Variants in AFTPH observed in about 807,000 individuals in gnomAD.
The protein encoded by AFTPH is aftiphilin, also known as aftiphilin protein.
A neutral mutation model predicts 72.5 loss-of-function variants in AFTPH; 7 were observed. That is an observed-to-expected ratio of 0.10 (90% CI 0.05 to 0.18). AFTPH has a LOEUF of 0.18. Ranked by LOEUF, AFTPH falls within the 10% of genes least tolerant of loss-of-function variation. The pLI is 1.00. For synonymous variants in AFTPH, 337 were observed against 370.1 expected (o/e 0.91, Z 1.03); for missense variants, 979 against 1,060.5 (o/e 0.92, Z 1.07).
chr2:64,540,788 T>C (rs1186232948), intron 1 of AFTPH, among the ~76,000 whole-genome samples: 1 of 152,152 alleles, frequency 6.6e-6, no homozygotes, highest in Non-Finnish European at 1.5e-5. Flanking sequence ...CTCATTTTCA[T>C]TGTTTGCTCA....
chr2:64,540,548 A>C (rs993400893), intron 1 of AFTPH, among the ~76,000 whole-genome samples: 3 of 152,172 alleles, frequency 2.0e-5, no homozygotes, highest in Admixed American at 6.5e-5. Flanking sequence ...TTTCATGGGA[A>C]TTTTTGAAAA....
intron 1 of AFTPH, among the ~76,000 whole-genome samples, chr2:64,548,190 G>A (rs1312057690): frequency 1.4e-5 from 2 of 145,026 alleles, no homozygotes; most frequent in East Asian, 2.0e-4. Context: ...TCAGGAGATC[G>A]AGACCATCCT....
chr2:64,531,374 G>A (rs1004560646), intron 1 of AFTPH, among the ~76,000 whole-genome samples: 12 of 152,176 alleles, frequency 7.9e-5, no homozygotes, highest in African/African-American at 2.7e-4. Flanking sequence ...TATTTCCTCA[G>A]ATGATCAGTA....
At chr2:64,582,982 C>T (rs1673301380) in intron 7 of AFTPH, among the ~76,000 whole-genome samples, 1 of 152,132 alleles carries the variant, frequency 6.6e-6, no homozygotes. Flanking sequence ...ATGCAGTTCT[C>T]ATTACTTTGG....
At chr2:64,550,584 GA>G (rs1303953203) in intron 1 of AFTPH, among the ~76,000 whole-genome samples, 2 of 151,936 alleles carry the variant, frequency 1.3e-5, no homozygotes, top group African/African-American at 4.8e-5. Context: ...TAACATGAGG[GA>G]GTTTTTTTTG....
chr2:64,560,286 A>T (rs1671642193), intron 2 of AFTPH, among the ~76,000 whole-genome samples: 1 of 152,196 alleles, frequency 6.6e-6, no homozygotes, highest in Non-Finnish European at 1.5e-5. Flanking sequence ...AGGAATGAGT[A>T]AAAGTTGTCA....
intron 8 of AFTPH, 87 bp downstream of exon 9, chr2:64,585,632 C>A: frequency 7.1e-7 from 1 of 1,411,808 alleles, no homozygotes; most frequent in Non-Finnish European, 9.5e-7. Context: ...GACAGCATTT[C>A]AATATATTAT....
intron 2 of AFTPH, among the ~76,000 whole-genome samples, chr2:64,561,810 C>A (rs886092118): frequency 3.9e-5 from 6 of 152,192 alleles, no homozygotes; most frequent in Non-Finnish European, 7.3e-5. Context: ...GAATGCAGCA[C>A]TGACTCTTTA....
rs570141801 is a variant in AFTPH, at chr2:64,577,162, TTTTG to T, written c.2395-2321_2395-2318del. Among the ~76,000 whole-genome samples the T allele has an allele frequency of 5.2e-3, 797 of 152,276 alleles. 9 individuals carry two copies. The highest frequency in any genetic ancestry group is 0.018 in the African/African-American group (764 of 41,544). The stretch of plus-strand genomic sequence containing the variant: ...GAATCCAAGCCTCCTGTCTCCATGT[TTTTG>T]TTCTTTTTTATTGTGACCTTATTTG... On this transcript the variant is annotated intron_variant, in intron 6 of 8. Transcript: ENST00000238856.
intron 2 of AFTPH, among the ~76,000 whole-genome samples, chr2:64,555,383 A>G (rs527935809): frequency 2.0e-5 from 3 of 152,242 alleles, no homozygotes; most frequent in African/African-American, 7.2e-5. Context: ...CAACATGGTG[A>G]GACCCTGTCT....
rs1553398382 is a variant in AFTPH at position 64,550,677 on chromosome 2, G to GCACGCACA, written c.-32-763_-32-762insGCACACAC. On this transcript the variant is annotated intron_variant, in intron 1 of 8. Coordinates refer to ENST00000238856, the Ensembl canonical transcript of AFTPH. ...ATAAAATTTTTAGAACTGTACGCATGCACACACACACACACACACACACAC... is the reference window on the plus strand; with the variant it reads ...ATAAAATTTTTAGAACTGTACGCATGCACGCACACACACACACACACACACACACACAC... Among the ~76,000 whole-genome samples, 8 of 130,234 alleles carry GCACGCACA rather than the reference G, an allele frequency of 6.1e-5. No homozygotes were observed. The East Asian group carries it at 1.4e-3, about 23-fold the overall frequency. 85.4% of individuals were successfully genotyped at this position (130,234 alleles called of 152,430 possible).
intron 2 of AFTPH, among the ~76,000 whole-genome samples, chr2:64,561,914 C>T (rs542516759): frequency 1.6e-4 from 24 of 152,260 alleles, no homozygotes; most frequent in African/African-American, 5.5e-4. Context: ...CACCATTTAA[C>T]AGGTAAATCC....
At chr2:64,547,639 T>C (rs1252021317) in intron 1 of AFTPH, among the ~76,000 whole-genome samples, 1 of 152,210 alleles carries the variant, frequency 6.6e-6, no homozygotes, top group Non-Finnish European at 1.5e-5. Context: ...ACTCAGTTTA[T>C]TATTTTATTT....
chr2:64,557,578 C>A (rs1329303460), intron 2 of AFTPH, among the ~76,000 whole-genome samples: 2 of 152,196 alleles, frequency 1.3e-5, no homozygotes, highest in Non-Finnish European at 2.9e-5. Context: ...CTCCTGAGTT[C>A]AAGCGAGTCT....
At chr2:64,541,752 G>A (rs1408312223) in intron 1 of AFTPH, among the ~76,000 whole-genome samples, 2 of 152,160 alleles carry the variant, frequency 1.3e-5, no homozygotes, top group African/African-American at 4.8e-5. Flanking sequence ...TAATGCTTAC[G>A]TGACATTTTC....
intron 6 of AFTPH, among the ~76,000 whole-genome samples, chr2:64,577,401 G>T (rs1672890079): frequency 6.6e-6 from 1 of 151,558 alleles, no homozygotes; most frequent in South Asian, 2.1e-4. Flanking sequence ...TTATGATTTT[G>T]GCTGTCTTCA....
rs567483780 is a variant in AFTPH, at chr2:64,551,106, C to G, written c.-32-337C>G. 1.6e-4 allele frequency among the ~76,000 whole-genome samples: 25 copies of G among 152,208 alleles called. No individual in the cohort carries two copies. The East Asian group carries it at 4.8e-3, about 29-fold the overall frequency. On this transcript the variant is annotated intron_variant, in intron 1 of 8. Transcript: ENST00000238856. ...GAACTTAACAGAATAAGCACTTACC[C>G]CAGGAGAGAATTTTGTAGCTGTACT...
At chr2:64,542,058 T>C (rs1446725359) in intron 1 of AFTPH, among the ~76,000 whole-genome samples, 1 of 152,230 alleles carries the variant, frequency 6.6e-6, no homozygotes, top group Non-Finnish European at 1.5e-5. Flanking sequence ...TTGTATAATC[T>C]AGGTCAGTTT....
chr2:64,542,334 C>T (rs942856770), intron 1 of AFTPH, among the ~76,000 whole-genome samples: 3 of 152,088 alleles, frequency 2.0e-5, no homozygotes, highest in African/African-American at 7.2e-5. Context: ...ATTAACTATT[C>T]CTTAGAGGAA....
Sources: allele counts gnomAD v4.1 joint callset (sites outside exome capture counted in the v4.1 genomes callset), GRCh38; gene constraint gnomAD v4.1.1; transcripts MANE v1.5; gene names NCBI Gene and HGNC (gene_info 2026-07-23, HGNC 2026-07-21).